Variants in KCNK5 observed in about 807,000 individuals in gnomAD.
The protein encoded by KCNK5 is potassium two pore domain channel subfamily K member 5.
Under a neutral mutation model 32.9 loss-of-function variants are expected in KCNK5, and 18 were observed. The observed-to-expected ratio is 0.55, with a 90% CI of 0.38 to 0.81. The LOEUF (loss-of-function observed/expected upper bound fraction) is 0.81. Ranked by LOEUF, KCNK5 falls within the 30% of genes least tolerant of loss-of-function variation. KCNK5 has a pLI of 0.00. For synonymous variants in KCNK5, 276 were observed against 275.3 expected, an observed-to-expected ratio of 1.00 and a Z score of -0.03; for missense variants, 507 against 651.0, an observed-to-expected ratio of 0.78 and a Z score of 2.41.
chr6:39,215,752 G>A (rs959994238), intron 1 of KCNK5, among the ~76,000 whole-genome samples: 1 of 152,216 alleles, frequency 6.6e-6, no homozygotes, highest in African/African-American at 2.4e-5. Flanking sequence ...TGGCAGGTCA[G>A]ACAGAAACAC....
chr6:39,211,089 G>A (rs1771329350), intron 1 of KCNK5, among the ~76,000 whole-genome samples: 1 of 152,062 alleles, frequency 6.6e-6, no homozygotes, highest in Non-Finnish European at 1.5e-5. Context: ...GATTTGTGGT[G>A]GGAAGATAGT....
intron 1 of KCNK5, among the ~76,000 whole-genome samples, chr6:39,207,656 G>T (rs937509089): frequency 2.0e-5 from 3 of 152,116 alleles, no homozygotes; most frequent in Non-Finnish European, 4.4e-5. Flanking sequence ...GGGGGTGGGG[G>T]GTAGGAGCTG....
chr6:39,211,184 C>CT (rs1162318956), intron 1 of KCNK5, among the ~76,000 whole-genome samples: 1 of 152,144 alleles, frequency 6.6e-6, no homozygotes, highest in Non-Finnish European at 1.5e-5. Flanking sequence ...CTGAGGGATA[C>CT]TTGGTGCTTC....
chr6:39,202,425 G>A (rs1377268558), intron 1 of KCNK5, among the ~76,000 whole-genome samples: 3 of 152,146 alleles, frequency 2.0e-5, no homozygotes, highest in Admixed American at 6.5e-5. Flanking sequence ...CAGAGGTGGG[G>A]ATCACCAGGT....
In KCNK5 at chr6:39,229,353, G is replaced by A. The variant is rs1254730012; in HGVS notation, c.-242C>T. 2.0e-5 allele frequency: 11 copies of A among 561,592 alleles called. No homozygotes were observed. The highest frequency in any genetic ancestry group is 3.2e-5 in the Non-Finnish European group (10 of 313,626). 34.8% of individuals were successfully genotyped at this position (561,592 alleles called of 1,614,324 possible). ...GCCCGGGGTGGGCGAACACCAGCGGGGCTGAAAGGGCGCCCTGGACCGCGG... is the reference window on the plus strand; with the variant it reads ...GCCCGGGGTGGGCGAACACCAGCGGAGCTGAAAGGGCGCCCTGGACCGCGG... On this transcript the variant is annotated 5_prime_UTR_variant, in exon 1 of 5. Coordinates refer to ENST00000359534, the MANE Select transcript of KCNK5 (RefSeq NM_003740.4).
chr6:39,222,856 G>A (rs773234680), intron 1 of KCNK5, among the ~76,000 whole-genome samples: 6 of 152,212 alleles, frequency 3.9e-5, no homozygotes, highest in Non-Finnish European at 7.3e-5. Context: ...ACAGAAAGGA[G>A]AATGGTGGTT....
intron 4 of KCNK5, among the ~76,000 whole-genome samples, chr6:39,192,764 C>T (rs898848859): frequency 3.3e-5 from 5 of 152,192 alleles, no homozygotes; most frequent in African/African-American, 7.2e-5. Flanking sequence ...TCCCCCTACA[C>T]TCCAGGATTA....
At position 39,194,805 on chromosome 6, in the gene KCNK5, A is replaced by G. The variant is rs1217187273; in HGVS notation, c.299-45T>C. The G allele has an allele frequency of 3.2e-6, 5 of 1,576,980 alleles. No individual in the cohort carries two copies. The highest frequency in any genetic ancestry group is 1.1e-5 in the South Asian group (1 of 89,804). On this transcript the variant is annotated intron_variant, in intron 2 of 4. Transcript: ENST00000359534. This position sits in a 1 kb window ranked among gnomAD's most constrained non-coding sequence, Gnocchi z 4.7. ...GGCCAAGAACAGGAGGGGTGGTCAAACCAGTGGGCCTTGCTTCCAACACAC... is the reference window on the plus strand; with the variant it reads ...GGCCAAGAACAGGAGGGGTGGTCAAGCCAGTGGGCCTTGCTTCCAACACAC...
Position 39,194,384 on chromosome 6 carries a change from A to G in KCNK5, c.466-47T>C. On this transcript the variant is annotated intron_variant, in intron 3 of 4. Coordinates refer to ENST00000359534, the MANE Select transcript of KCNK5 (RefSeq NM_003740.4). The surrounding 1 kb of genome is among the most constrained non-coding windows in gnomAD (Gnocchi z 4.7). Reference sequence around the variant, plus strand: ...AGTCAGAGAATAGTGGAGACTTGGAAACCCAGCAAAGGCACCCAGAGGGCC... The same window carrying G: ...AGTCAGAGAATAGTGGAGACTTGGAGACCCAGCAAAGGCACCCAGAGGGCC... 1 of 1,556,226 alleles carries G rather than the reference A, an allele frequency of 6.4e-7. No individual in the cohort carries two copies. The highest frequency in any genetic ancestry group is 8.7e-7 in the Non-Finnish European group (1 of 1,150,404).
chr6:39,191,601 C>G lies in KCNK5; in HGVS notation c.789G>C (p.Arg263=). 1 of 1,613,990 alleles carries G rather than the reference C, an allele frequency of 6.2e-7. No individual in the cohort carries two copies. Among genetic ancestry groups the G allele is most frequent in the Admixed American group, 1.7e-5 (1 of 60,006 alleles). ...HKAIKKRRRR[R]KESFESSPHS... ...GTGGGGAGCTCTCAAAGGACTCCTTCCGTCGCCGCCGCCGCTTCTTAATGG... is the reference window on the plus strand; with the variant it reads ...GTGGGGAGCTCTCAAAGGACTCCTTGCGTCGCCGCCGCCGCTTCTTAATGG... The change falls in exon 5 of 5, where the codon CGG becomes CGC. Residue 263 remains arginine, a synonymous_variant. Transcript: ENST00000359534. The surrounding 1 kb of genome is among the most constrained non-coding windows in gnomAD (Gnocchi z 5.8).
rs1040467013 is a variant in KCNK5, at chr6:39,214,407, A to T, written c.186+14519T>A. ...ACCAGCACATCTGCTGGCTTGGGGG[A>T]GAATCTGGCCCGGCAGGACACCCAC... is the stretch of plus-strand genomic sequence containing the variant. On this transcript the variant is annotated intron_variant, in intron 1 of 4. Coordinates refer to ENST00000359534, the MANE Select transcript of KCNK5 (RefSeq NM_003740.4). Among the ~76,000 whole-genome samples, 9 of 152,040 alleles carry T rather than the reference A, an allele frequency of 5.9e-5. No homozygotes were observed. The South Asian group carries it at 1.0e-3, about 18-fold the overall frequency.
chr6:39,222,240 G>A (rs969805146), intron 1 of KCNK5, among the ~76,000 whole-genome samples: 3 of 152,206 alleles, frequency 2.0e-5, no homozygotes, highest in Non-Finnish European at 2.9e-5. Flanking sequence ...TAAGGGGCTC[G>A]TAGTAGGAAA....
At chr6:39,206,955 C>T (rs1771236254) in intron 1 of KCNK5, among the ~76,000 whole-genome samples, 1 of 152,186 alleles carries the variant, frequency 6.6e-6, no homozygotes. Flanking sequence ...GAACAAGGGG[C>T]TTGGGGAGGA....
intron 1 of KCNK5, among the ~76,000 whole-genome samples, chr6:39,218,705 G>C (rs1382116572): frequency 6.6e-6 from 1 of 152,136 alleles, no homozygotes; most frequent in Non-Finnish European, 1.5e-5. Flanking sequence ...GGTGTACCTG[G>C]TGCTGCTGGC....
chr6:39,227,918 C>A (rs1334113182), intron 1 of KCNK5, among the ~76,000 whole-genome samples: 1 of 152,182 alleles, frequency 6.6e-6, no homozygotes, highest in Non-Finnish European at 1.5e-5. Flanking sequence ...GGACAATCTA[C>A]CCCTACTCCC....
In KCNK5 at chr6:39,226,123, C is replaced by T. The variant is rs569712364; in HGVS notation, c.186+2803G>A. On this transcript the variant is annotated intron_variant, in intron 1 of 4. Coordinates refer to ENST00000359534, the MANE Select transcript of KCNK5 (RefSeq NM_003740.4). ...AGCCAGATGGCAAAACCAGCCTGTG[C>T]CCTCTCTCATAAAATGAGGATAATA... 3.9e-5 allele frequency among the ~76,000 whole-genome samples: 6 copies of T among 152,270 alleles called. No individual in the cohort carries two copies. The South Asian group carries it at 1.2e-3, about 32-fold the overall frequency.
chr6:39,211,729 C>G (rs1339443784), intron 1 of KCNK5, among the ~76,000 whole-genome samples: 1 of 149,798 alleles, frequency 6.7e-6, no homozygotes, highest in Admixed American at 6.6e-5. Flanking sequence ...TTTGGGAGGC[C>G]AACGTGGGTA....
rs771412983 is a variant in KCNK5 at position 39,191,318 on chromosome 6, C to T, written c.1072G>A (p.Val358Met). The T allele has an allele frequency of 6.2e-6, 10 of 1,614,040 alleles. No individual in the cohort carries two copies. The Admixed American group carries it at 1.7e-4, about 27-fold the overall frequency. Residue 358 changes from valine to methionine, a missense_variant, in exon 5 of 5, where the codon GTG (valine) becomes ATG (methionine). Physicochemically the swap from Val to Met is conservative, Grantham distance 21. Around this residue, in one of 6 missense-constraint regions of KCNK5, gnomAD observed 252 missense variants for 250.8 expected, o/e 1.00. Coordinates refer to ENST00000359534, the MANE Select transcript of KCNK5 (RefSeq NM_003740.4). The surrounding 1 kb of genome is among the most constrained non-coding windows in gnomAD (Gnocchi z 5.8). The part of the protein sequence containing the change: ...SKNRVPTLEE[V>M]SQTLRSKGHV... ...CCTTTGCTCCTCAGTGTCTGTGACA[C>T]CTCTTCCAAGGTGGGCACCCGGTTC...
intron 1 of KCNK5, among the ~76,000 whole-genome samples, chr6:39,196,411 T>G (rs2113780706): frequency 6.6e-6 from 1 of 152,216 alleles, no homozygotes; most frequent in East Asian, 1.9e-4. Context: ...TAATTCTGCC[T>G]CTCAAAAAAA....
Sources: gnomAD v4.1 joint callset for allele counts (sites outside exome capture counted in the v4.1 genomes callset) on GRCh38, gnomAD v4.1.1 for gene constraint, gnomAD v4.1.1 regional missense constraint, Gnocchi (gnomAD v3.1) non-coding constraint, MANE v1.5 for transcripts, NCBI Gene and HGNC (gene_info 2026-07-23, HGNC 2026-07-21) for gene names.